The following RARB variants were observed in gnomAD, a reference collection of about 807,000 sequenced individuals.
RARB encodes retinoic acid receptor beta.
Under a neutral mutation model 51.9 loss-of-function variants are expected in RARB, and 17 were observed. The observed-to-expected ratio is 0.33, with a 90% CI of 0.22 to 0.49. The LOEUF (loss-of-function observed/expected upper bound fraction) is 0.49. RARB is among the 20% of genes least tolerant of loss of function. The pLI is 0.99. For missense variants in RARB, 369 were observed against 550.8 expected (o/e 0.67, Z 3.30); for synonymous variants, 215 against 195.4 (o/e 1.10, Z -0.84).
intron 5 of RARB, among the ~76,000 whole-genome samples, chr3:25,280,950 AGAAG>A (rs1703506764): frequency 6.6e-6 from 1 of 152,166 alleles, no homozygotes; most frequent in Non-Finnish European, 1.5e-5. Flanking sequence ...GGTCACAAAA[AGAAG>A]GAAGATCACT....
chr3:25,174,087 G>A (rs1245471938), intron 4 of RARB: 2 of 181,358 alleles, frequency 1.1e-5, no homozygotes, highest in Admixed American at 5.4e-5. Context: ...GATTTTTTGT[G>A]ATATATATAT....
intron 3 of RARB, among the ~76,000 whole-genome samples, chr3:25,521,569 G>A (rs778948998): frequency 2.0e-4 from 30 of 152,114 alleles, no homozygotes; most frequent in Admixed American, 3.9e-4. Context: ...GTGGAAGAGA[G>A]CTGTGCAGTA....
intron 2 of RARB, among the ~76,000 whole-genome samples, chr3:25,044,139 T>C (rs1285188656): frequency 3.9e-5 from 6 of 152,214 alleles, no homozygotes; most frequent in Non-Finnish European, 7.3e-5. Flanking sequence ...AAAACCCTTT[T>C]AGTCAATTCT....
intron 3 of RARB, among the ~76,000 whole-genome samples, chr3:25,555,911 T>C (rs1700038205): frequency 6.6e-6 from 1 of 152,018 alleles, no homozygotes; most frequent in African/African-American, 2.4e-5. Flanking sequence ...TGGGCATGGG[T>C]GTGGGTGTTA....
chr3:25,531,461 TTGTG>T (rs1439146709), intron 3 of RARB, among the ~76,000 whole-genome samples: 1 of 151,908 alleles, frequency 6.6e-6, no homozygotes, highest in African/African-American at 2.4e-5. Flanking sequence ...ATATGTGTGT[TTGTG>T]TGTGTGCGTG....
At chr3:24,847,204 T>C (rs1412755372) in intron 1 of RARB, among the ~76,000 whole-genome samples, 1 of 152,218 alleles carries the variant, frequency 6.6e-6, no homozygotes, top group Non-Finnish European at 1.5e-5. Context: ...AAGTGTCTTT[T>C]GACATAGCTA....
intron 5 of RARB, among the ~76,000 whole-genome samples, chr3:25,350,034 C>T (rs1346879181): frequency 6.6e-6 from 1 of 152,104 alleles, no homozygotes; most frequent in Non-Finnish European, 1.5e-5. Context: ...GCAGGTTGGT[C>T]TCGGGGTAGT....
At chr3:25,478,831 A>G (rs1376700899) in intron 2 of RARB, among the ~76,000 whole-genome samples, 2 of 152,162 alleles carry the variant, frequency 1.3e-5, no homozygotes, top group African/African-American at 4.8e-5. Flanking sequence ...CTATTCTCAT[A>G]TTGATTCTAG....
chr3:25,300,121 C>T (rs367851609), intron 5 of RARB, among the ~76,000 whole-genome samples: 1 of 152,174 alleles, frequency 6.6e-6, no homozygotes, highest in African/African-American at 2.4e-5. Context: ...AATTTGAGAA[C>T]CACTGCTCTA....
intron 3 of RARB, among the ~76,000 whole-genome samples, chr3:25,563,366 G>A (rs1700352965): frequency 6.6e-6 from 1 of 152,200 alleles, no homozygotes; most frequent in Non-Finnish European, 1.5e-5. Flanking sequence ...TGTCTCATGA[G>A]TGGCAAGAAA....
intron 5 of RARB, among the ~76,000 whole-genome samples, chr3:25,586,868 G>A (rs181102994): frequency 1.2e-4 from 18 of 152,312 alleles, no homozygotes; most frequent in Admixed American, 5.9e-4. Flanking sequence ...TCAGCGTTGC[G>A]CCTGGGCGTC....
intron 5 of RARB, among the ~76,000 whole-genome samples, chr3:25,208,714 G>T (rs1312584292): frequency 6.6e-6 from 1 of 152,076 alleles, no homozygotes; most frequent in African/African-American, 2.4e-5. Context: ...CAGAAGAAAT[G>T]TATTTCCTTT....
intron 1 of RARB, among the ~76,000 whole-genome samples, chr3:25,449,301 G>T (rs1360885006): frequency 6.6e-6 from 1 of 152,094 alleles, no homozygotes. Context: ...AGGGGTTAGT[G>T]AGTGTGTTTG....
intron 2 of RARB, among the ~76,000 whole-genome samples, chr3:24,939,933 C>T (rs1265956105): frequency 1.3e-5 from 2 of 152,144 alleles, no homozygotes; most frequent in African/African-American, 4.8e-5. Flanking sequence ...CGTGTTTTAC[C>T]ATACATCTCC....
intron 2 of RARB, among the ~76,000 whole-genome samples, chr3:24,981,173 G>GTCAGC (rs1696661778): frequency 2.0e-5 from 3 of 152,162 alleles, no homozygotes; most frequent in Non-Finnish European, 4.4e-5. Flanking sequence ...TCTGTATGAG[G>GTCAGC]TGTCCGTCAG....
chr3:25,099,442 T>A (rs1699357649), intron 3 of RARB, among the ~76,000 whole-genome samples: 1 of 152,134 alleles, frequency 6.6e-6, no homozygotes, highest in African/African-American at 2.4e-5. Flanking sequence ...TCATTTATAA[T>A]GTCTTAGAAA....
chr3:25,130,947 T>TATTCATAA (rs1559477575), intron 3 of RARB, among the ~76,000 whole-genome samples: 1 of 43,000 alleles, frequency 2.3e-5, no homozygotes, highest in African/African-American at 7.7e-5. Context: ...ATATCAATAT[T>TATTCATAA]TATTATTGAT....
chr3:25,407,175 T>C (rs1707432699), intron 5 of RARB, among the ~76,000 whole-genome samples: 1 of 152,216 alleles, frequency 6.6e-6, no homozygotes. Context: ...CCACTGCCTA[T>C]AGTCCAGTAT....
chr3:25,559,685 T>C (rs1700195928), intron 3 of RARB, among the ~76,000 whole-genome samples: 2 of 152,132 alleles, frequency 1.3e-5, no homozygotes, highest in Admixed American at 1.3e-4. Flanking sequence ...ATTGGTTGGA[T>C]CGATGGATGG....
Sources: gnomAD v4.1 joint callset for allele counts (sites outside exome capture counted in the v4.1 genomes callset) on GRCh38, gnomAD v4.1.1 for gene constraint, MANE v1.5 for transcripts, NCBI Gene and HGNC (gene_info 2026-07-23, HGNC 2026-07-21) for gene names.